The following CDKN2B variants were observed in gnomAD, a reference collection of about 807,000 sequenced individuals.
CDKN2B encodes cyclin dependent kinase inhibitor 2B.
In CDKN2B, 8 loss-of-function variants were observed where a neutral mutation model predicts 7.7. The ratio of observed to expected loss-of-function variants is 1.04; its 90% CI spans 0.61 to 1.87. The LOEUF (loss-of-function observed/expected upper bound fraction) is 1.87. CDKN2B is among the 40% of genes most tolerant of loss of function. The pLI is 0.00. For synonymous variants in CDKN2B, 93 were observed against 95.8 expected (o/e 0.97, Z 0.17); for missense variants, 244 against 213.1 (o/e 1.15, Z -0.90).
At chr9:22,007,134 C>G (rs749705609) in intron 1 of CDKN2B, among the ~76,000 whole-genome samples, 1 of 152,106 alleles carries the variant, frequency 6.6e-6, no homozygotes, top group Non-Finnish European at 1.5e-5. Context: ...CCATAGCAGG[C>G]AGATCACCTG....
In CDKN2B at chr9:22,006,411, G is replaced by A. The variant is rs983275158; in HGVS notation, c.157-164C>T. ...GATGTCTGGTGTTTCTTCATTTGCT[G>A]ATGCAATCCACTTTCCCACCCCACC... On this transcript the variant is annotated intron_variant, in intron 1 of 1. Transcript: ENST00000276925. The surrounding 1 kb of genome is among the most constrained non-coding windows in gnomAD (Gnocchi z 6.4). 6.3e-6 allele frequency: 6 copies of A among 951,494 alleles called. No homozygotes were observed. In the African/African-American group the frequency reaches 9.8e-5, roughly 15 times the overall value. The allele number at this position is 951,494 out of a possible 1,614,324, so 58.9% of individuals were successfully genotyped here. A position where few individuals can be genotyped will look rare whatever the true frequency, so the allele number is the denominator to read the frequency against.
Position 22,005,490 on chromosome 9 carries a change from T to C in CDKN2B, c.*497A>G. On this transcript the variant is annotated 3_prime_UTR_variant, in exon 2 of 2. Transcript: ENST00000276925. The surrounding 1 kb of genome is among the most constrained non-coding windows in gnomAD (Gnocchi z 4.9). ...GCCCTCCTCCACTTTGTCCTCAGTCTTCAGGTTTTCCTTTCTGCCGCTAGG... is the reference window on the plus strand; with the variant it reads ...GCCCTCCTCCACTTTGTCCTCAGTCCTCAGGTTTTCCTTTCTGCCGCTAGG... 1 of 274,382 alleles carries C rather than the reference T, an allele frequency of 3.6e-6. No homozygotes were observed. Among genetic ancestry groups the C allele is most frequent in the South Asian group, 9.5e-5 (1 of 10,500 alleles). The allele number at this position is 274,382 out of a possible 1,614,324, so 17.0% of individuals were successfully genotyped here.
Position 22,005,314 on chromosome 9 carries a change from C to T in CDKN2B, c.*673G>A. On this transcript the variant is annotated 3_prime_UTR_variant, in exon 2 of 2. Transcript: ENST00000276925. This position sits in a 1 kb window ranked among gnomAD's most constrained non-coding sequence, Gnocchi z 4.9. ...CGTCGTGATCCAGGGATTTTAGCATCTGTCGTCGCTTGCACATCCTCTCTT... is the reference window on the plus strand; with the variant it reads ...CGTCGTGATCCAGGGATTTTAGCATTTGTCGTCGCTTGCACATCCTCTCTT... 4.2e-6 allele frequency: 1 copy of T among 237,910 alleles called. No individual in the cohort carries two copies. The allele number at this position is 237,910 out of a possible 1,614,324, so 14.7% of individuals were successfully genotyped here.
In CDKN2B at chr9:22,006,608, G is replaced by A. The variant is rs3217980; in HGVS notation, c.157-361C>T. Among the ~76,000 whole-genome samples, 6,418 of 152,146 alleles carry A rather than the reference G, an allele frequency of 0.042. 374 individuals are homozygous for A. The highest frequency in any genetic ancestry group is 0.13 in the African/African-American group (5,447 of 41,470). On this transcript the variant is annotated intron_variant, in intron 1 of 1. Transcript: ENST00000276925. The surrounding 1 kb of genome is among the most constrained non-coding windows in gnomAD (Gnocchi z 6.4). Reference sequence around the variant, plus strand: ...TTTAGGGGCAGAGTTAAATTTATTCGGCTTTTAAAGTTTTAAATTATTTGC... The same window carrying A: ...TTTAGGGGCAGAGTTAAATTTATTCAGCTTTTAAAGTTTTAAATTATTTGC...
In CDKN2B at chr9:22,005,207, A is replaced by C. The variant is rs1376046251; in HGVS notation, c.*780T>G. The C allele has an allele frequency of 4.3e-6, 1 of 233,612 alleles. No individual in the cohort carries two copies. Among genetic ancestry groups the C allele is most frequent in the East Asian group, 6.0e-5 (1 of 16,588 alleles). The allele number at this position is 233,612 out of a possible 1,614,324, so 14.5% of individuals were successfully genotyped here. On this transcript the variant is annotated 3_prime_UTR_variant, in exon 2 of 2. Transcript: ENST00000276925. This position sits in a 1 kb window ranked among gnomAD's most constrained non-coding sequence, Gnocchi z 4.9. ...TCCACTCCACCACCTCATCCTGTGT[A>C]GTCTGCCTGCGGAACCCGCGGGAAT...
At position 22,004,083 on chromosome 9, in the gene CDKN2B, CCTAT is replaced by C. The variant is rs1821051230; in HGVS notation, c.*1900_*1903del. ...CATTGTCCTCATCTGGGAAACAATA[CCTAT>C]CTCTCAGGTTTAAATATTAAATTAA... On this transcript the variant is annotated 3_prime_UTR_variant, in exon 2 of 2. Coordinates refer to ENST00000276925, the MANE Select transcript of CDKN2B (RefSeq NM_004936.4). 1 of 232,414 alleles carries C rather than the reference CCTAT, an allele frequency of 4.3e-6. No individual in the cohort carries two copies. Among genetic ancestry groups the C allele is most frequent in the South Asian group, 1.8e-4 (1 of 5,526 alleles). 14.4% of individuals were successfully genotyped at this position (232,414 alleles called of 1,614,324 possible). A position where few individuals can be genotyped will look rare whatever the true frequency, so the allele number is the denominator to read the frequency against.
Position 22,009,284 on chromosome 9 carries a change from C to A in CDKN2B, c.-331G>T. On this transcript the variant is annotated 5_prime_UTR_variant, in exon 1 of 2. Coordinates refer to ENST00000276925, the MANE Select transcript of CDKN2B (RefSeq NM_004936.4). The stretch of plus-strand genomic sequence containing the variant: ...CGGACGCGTCGCGGAGTCCTCACTG[C>A]CCCGCCTCGCTCTGGCAGAGTGGGG... 1 of 483,636 alleles carries A rather than the reference C, an allele frequency of 2.1e-6. No individual in the cohort carries two copies. The highest frequency in any genetic ancestry group is 3.7e-6 in the Non-Finnish European group (1 of 269,904). 30.0% of individuals were successfully genotyped at this position (483,636 alleles called of 1,614,324 possible).
At chr9:22,008,588 T>TA (rs893631508) in intron 1 of CDKN2B, 27 of 1,425,760 alleles carry the variant, frequency 1.9e-5, no homozygotes, top group Middle Eastern at 3.5e-4. Context: ...CAAAAACCAC[T>TA]AAAAAAAGCT....
Position 22,005,113 on chromosome 9 carries a change from TG to T in CDKN2B, c.*873del, listed in dbSNP as rs1417062591. The T allele has an allele frequency of 1.8e-5, 1 of 55,328 alleles. No individual in the cohort carries two copies. Among genetic ancestry groups the T allele is most frequent in the Non-Finnish European group, 3.2e-5 (1 of 30,964 alleles). 3.4% of individuals were successfully genotyped at this position (55,328 alleles called of 1,614,324 possible). A position where few individuals can be genotyped will look rare whatever the true frequency, so the allele number is the denominator to read the frequency against. On this transcript the variant is annotated 3_prime_UTR_variant, in exon 2 of 2. Transcript: ENST00000276925. The surrounding 1 kb of genome is among the most constrained non-coding windows in gnomAD (Gnocchi z 4.9). ...ATAAGGGGATTTCCGCATCCTAGCA[TG>T]TGTGTGTGTGTGTGTGTGTGTGTGT... is the stretch of plus-strand genomic sequence containing the variant.
rs1215797832 is a variant in CDKN2B, at chr9:22,003,686, C to T, written c.*2301G>A. 1 of 231,232 alleles carries T rather than the reference C, an allele frequency of 4.3e-6. No homozygotes were observed. The highest frequency in any genetic ancestry group is 8.6e-6 in the Non-Finnish European group (1 of 116,918). The allele number at this position is 231,232 out of a possible 1,614,324, so 14.3% of individuals were successfully genotyped here. ...TAGAAATATATTTTCTGTCCCTGTG[C>T]TTCAGTTTGAAAATGGAGGTTCCAT... On this transcript the variant is annotated 3_prime_UTR_variant, in exon 2 of 2. Coordinates refer to ENST00000276925, the MANE Select transcript of CDKN2B (RefSeq NM_004936.4).
intron 1 of CDKN2B, among the ~76,000 whole-genome samples, chr9:22,008,440 G>T (rs3217976): frequency 7.2e-5 from 11 of 152,148 alleles, no homozygotes; most frequent in Admixed American, 6.5e-4. Flanking sequence ...AATCTAGAAT[G>T]CGTAACTTAT....
chr9:22,008,595 A>G (rs1821310263), intron 1 of CDKN2B: 3 of 1,462,410 alleles, frequency 2.1e-6, no homozygotes, highest in South Asian at 1.3e-5. Context: ...CACTAAAAAA[A>G]GCTTAAACAG....
rs1158480351 is a variant in CDKN2B at position 22,004,947 on chromosome 9, G to T, written c.*1040C>A. 4.3e-6 allele frequency: 1 copy of T among 233,156 alleles called. No homozygotes were observed. Among genetic ancestry groups the T allele is most frequent in the Non-Finnish European group, 8.5e-6 (1 of 118,050 alleles). 14.4% of individuals were successfully genotyped at this position (233,156 alleles called of 1,614,324 possible). On this transcript the variant is annotated 3_prime_UTR_variant, in exon 2 of 2. Transcript: ENST00000276925. ...GCACTGAGTTTGCAACAGTGCCATTGCTACATTTAAGAGCTGTAGTTCTTC... is the reference window on the plus strand; with the variant it reads ...GCACTGAGTTTGCAACAGTGCCATTTCTACATTTAAGAGCTGTAGTTCTTC...
At position 22,005,675 on chromosome 9, in the gene CDKN2B, C is replaced by T. The variant is rs1821137874; in HGVS notation, c.*312G>A. 7.9e-6 allele frequency: 4 copies of T among 507,734 alleles called. No homozygotes were observed. The South Asian group carries it at 8.4e-5, about 11-fold the overall frequency. The allele number at this position is 507,734 out of a possible 1,614,324, so 31.5% of individuals were successfully genotyped here. On this transcript the variant is annotated 3_prime_UTR_variant, in exon 2 of 2. Coordinates refer to ENST00000276925, the MANE Select transcript of CDKN2B (RefSeq NM_004936.4). This position sits in a 1 kb window ranked among gnomAD's most constrained non-coding sequence, Gnocchi z 4.9. ...AGCCACCAGGTCCAGTCAAGGATTT[C>T]ATATGCACTTTCCCTCAGAAAACCC...
chr9:22,006,725 G>C lies in CDKN2B; in HGVS notation c.157-478C>G, dbSNP rs1405378446. ...AGAAGTTGGGAGTAATGGTTTAGGG[G>C]AGAAAATAAACAACTAAGTTTTTTT... On this transcript the variant is annotated intron_variant, in intron 1 of 1. Coordinates refer to ENST00000276925, the MANE Select transcript of CDKN2B (RefSeq NM_004936.4). This position sits in a 1 kb window ranked among gnomAD's most constrained non-coding sequence, Gnocchi z 6.4. 6.6e-6 allele frequency among the ~76,000 whole-genome samples: 1 copy of C among 151,968 alleles called. No homozygotes were observed. The highest frequency in any genetic ancestry group is 1.5e-5 in the Non-Finnish European group (1 of 68,012).
In CDKN2B at chr9:22,003,809, A is replaced by ATT; in HGVS notation, c.*2177_*2178insAA. On this transcript the variant is annotated 3_prime_UTR_variant, in exon 2 of 2. Coordinates refer to ENST00000276925, the MANE Select transcript of CDKN2B (RefSeq NM_004936.4). ...AAAATAGTTTTCAAACAAACCGTTT[A>ATT]TATTTACTAGAAGTTAGAGAAAGAA... The ATT allele has an allele frequency of 4.3e-6, 1 of 232,250 alleles. No individual in the cohort carries two copies. The highest frequency in any genetic ancestry group is 8.5e-6 in the Non-Finnish European group (1 of 117,442). The allele number at this position is 232,250 out of a possible 1,614,324, so 14.4% of individuals were successfully genotyped here.
rs1407834411 is a variant in CDKN2B at position 22,006,142 on chromosome 9, C to A, written c.262G>T (p.Ala88Ser). ...ATLTRPVHDA[A>S]REGFLDTLVV... Reference sequence around the variant, plus strand: ...AGCGTGTCCAGGAAGCCCTCCCGGGCAGCATCATGCACCGGTCGGGTGAGA... The same window carrying A: ...AGCGTGTCCAGGAAGCCCTCCCGGGAAGCATCATGCACCGGTCGGGTGAGA... Residue 88 changes from alanine (A) to serine (S), a missense_variant, in exon 2 of 2, where the codon GCC (alanine) becomes TCC (serine). By Grantham distance (99) the Ala-to-Ser change is moderately conservative. Coordinates refer to ENST00000276925, the MANE Select transcript of CDKN2B (RefSeq NM_004936.4). The surrounding 1 kb of genome is among the most constrained non-coding windows in gnomAD (Gnocchi z 6.4). The A allele has an allele frequency of 1.9e-6, 3 of 1,611,416 alleles. No homozygotes were observed. Among genetic ancestry groups the A allele is most frequent in the East Asian group, 2.2e-5 (1 of 44,874 alleles).
rs1821114928 is a variant in CDKN2B at position 22,005,252 on chromosome 9, A to C, written c.*735T>G. On this transcript the variant is annotated 3_prime_UTR_variant, in exon 2 of 2. Coordinates refer to ENST00000276925, the MANE Select transcript of CDKN2B (RefSeq NM_004936.4). The surrounding 1 kb of genome is among the most constrained non-coding windows in gnomAD (Gnocchi z 4.9). Reference sequence around the variant, plus strand: ...GGGAATCTCTCCTCAGTGTAGTAAGAGCAAAGGCCAGCATCCTGTGCAAAG... The same window carrying C: ...GGGAATCTCTCCTCAGTGTAGTAAGCGCAAAGGCCAGCATCCTGTGCAAAG... 1 of 234,786 alleles carries C rather than the reference A, an allele frequency of 4.3e-6. No individual in the cohort carries two copies. Among genetic ancestry groups the C allele is most frequent in the Non-Finnish European group, 8.4e-6 (1 of 119,194 alleles). 14.5% of individuals were successfully genotyped at this position (234,786 alleles called of 1,614,324 possible). A position where few individuals can be genotyped will look rare whatever the true frequency, so the allele number is the denominator to read the frequency against.
Position 22,009,219 on chromosome 9 carries a change from C to A in CDKN2B, c.-266G>T. Reference sequence around the variant, plus strand: ...TGCTTCTGGGAAAAAGCGCCTAGCGCGGACGCAGCCGAGCTCAAAGCCGCT... The same window carrying A: ...TGCTTCTGGGAAAAAGCGCCTAGCGAGGACGCAGCCGAGCTCAAAGCCGCT... On this transcript the variant is annotated 5_prime_UTR_variant, in exon 1 of 2. Coordinates refer to ENST00000276925, the MANE Select transcript of CDKN2B (RefSeq NM_004936.4). 1 of 587,018 alleles carries A rather than the reference C, an allele frequency of 1.7e-6. No individual in the cohort carries two copies. Among genetic ancestry groups the A allele is most frequent in the Non-Finnish European group, 3.0e-6 (1 of 329,976 alleles). 36.4% of individuals were successfully genotyped at this position (587,018 alleles called of 1,614,324 possible).
Sources: gnomAD v4.1 joint callset for allele counts (sites outside exome capture counted in the v4.1 genomes callset) on GRCh38, gnomAD v4.1.1 for gene constraint, Gnocchi (gnomAD v3.1) non-coding constraint, MANE v1.5 for transcripts, NCBI Gene and HGNC (gene_info 2026-07-23, HGNC 2026-07-21) for gene names.